Variants in TGIF1 observed in about 807,000 individuals in gnomAD.
TGIF1 encodes TGFB induced factor homeobox 1.
TGIF1 carries 4 observed loss-of-function variants against 19.3 expected under a neutral mutation model. The observed-to-expected ratio is 0.21, with a 90% CI of 0.10 to 0.47. The LOEUF is 0.47. Among genes scored for constraint, TGIF1 ranks in the 20% least tolerant of loss-of-function variants. TGIF1 has a pLI of 0.98. For synonymous variants in TGIF1, 122 were observed against 129.3 expected (o/e 0.94, Z 0.38); for missense variants, 275 against 341.4 (o/e 0.81, Z 1.53).
chr18:3,422,500 G>C (rs1015256263), intron 2 of TGIF1, among the ~76,000 whole-genome samples: 1 of 151,126 alleles, frequency 6.6e-6, no homozygotes, highest in Admixed American at 6.6e-5. Flanking sequence ...ATTGAAGAAA[G>C]AAATTTTAAA....
intron 2 of TGIF1, among the ~76,000 whole-genome samples, chr18:3,437,826 G>A (rs1433756279): frequency 6.6e-6 from 1 of 152,226 alleles, no homozygotes; most frequent in Non-Finnish European, 1.5e-5. Context: ...GCTCATGCCT[G>A]TAATCCCAGC....
intron 2 of TGIF1, among the ~76,000 whole-genome samples, chr18:3,429,334 C>G (rs2082516827): frequency 6.6e-6 from 1 of 152,050 alleles, no homozygotes; most frequent in African/African-American, 2.4e-5. Context: ...CAGGCATGAG[C>G]CACCATGCTC....
chr18:3,447,818 T>C (rs1479542807), upstream of TGIF1: 4 of 1,613,970 alleles, frequency 2.5e-6, 1 homozygote, highest in East Asian at 8.9e-5. Flanking sequence ...ATCTCCGTTT[T>C]TTCCTCCCCC....
At position 3,459,763 on chromosome 18, in the gene TGIF1, T is replaced by A. The variant is rs374533251; in HGVS notation, c.*1823T>A. The A allele has an allele frequency of 2.6e-5, 4 of 152,216 alleles. No homozygotes were observed. Among genetic ancestry groups the A allele is most frequent in the African/African-American group, 9.6e-5 (4 of 41,458 alleles). 9.4% of individuals were successfully genotyped at this position (152,216 alleles called of 1,614,324 possible). A position where few individuals can be genotyped will look rare whatever the true frequency, so the allele number is the denominator to read the frequency against. ...AAGAAAAACTGTAAGTCACCTTAAA[T>A]TCCCTATGTTTTACTTCATTTTTTC... On this transcript the variant is annotated 3_prime_UTR_variant, in exon 3 of 3. Coordinates refer to ENST00000343820, the MANE Select transcript of TGIF1 (RefSeq NM_003244.4).
In TGIF1 at chr18:3,459,533, A is replaced by G. The variant is rs1404807068; in HGVS notation, c.*1593A>G. ...CCCAAAAAGTACTAGTAAAGTAAATACAAGGAACAAAATAAACATTAATAA... is the reference window on the plus strand; with the variant it reads ...CCCAAAAAGTACTAGTAAAGTAAATGCAAGGAACAAAATAAACATTAATAA... On this transcript the variant is annotated 3_prime_UTR_variant, in exon 3 of 3. Transcript: ENST00000343820. 3 of 152,258 alleles carry G rather than the reference A, an allele frequency of 2.0e-5. No individual in the cohort carries two copies. Among genetic ancestry groups the G allele is most frequent in the South Asian group, 2.1e-4 (1 of 4,836 alleles). 9.4% of individuals were successfully genotyped at this position (152,258 alleles called of 1,614,324 possible).
chr18:3,435,943 C>T (rs1281927499), intron 2 of TGIF1, among the ~76,000 whole-genome samples: 1 of 146,968 alleles, frequency 6.8e-6, no homozygotes, highest in Non-Finnish European at 1.5e-5. Flanking sequence ...TCATAACAGT[C>T]TCGAACTCCT....
Position 3,457,407 on chromosome 18 carries a change from G to A in TGIF1, c.286G>A (p.Asp96Asn), listed in dbSNP as rs567178738. ...CAACGCCCGCCGCAGGCTCCTCCCT[G>A]ACATGCTGAGAAAGGATGGCAAAGA... Reference protein sequence around the residue: ...FINARRRLLPDMLRKDGKDPN... With the variant: ...FINARRRLLPNMLRKDGKDPN... Residue 96 changes from aspartate (D) to asparagine (N), a missense_variant, in exon 3 of 3, where the codon GAC (aspartate) becomes AAC (asparagine). Physicochemically the swap from Asp to Asn is conservative, Grantham distance 23 (BLOSUM62 1). Coordinates refer to ENST00000343820, the MANE Select transcript of TGIF1 (RefSeq NM_003244.4). The surrounding 1 kb of genome is among the most constrained non-coding windows in gnomAD (Gnocchi z 4.9). 39 of 1,614,078 alleles carry A rather than the reference G, an allele frequency of 2.4e-5. No individual in the cohort carries two copies. Among genetic ancestry groups the A allele is most frequent in the Non-Finnish European group, 3.3e-5 (39 of 1,180,042 alleles).
chr18:3,417,093 T>TG (rs1282736376), intron 1 of TGIF1, among the ~76,000 whole-genome samples: 1 of 152,122 alleles, frequency 6.6e-6, no homozygotes, highest in Non-Finnish European at 1.5e-5. Flanking sequence ...CTATTTATAG[T>TG]GGTTAAAATT....
In TGIF1 at chr18:3,457,462, G is replaced by C; in HGVS notation, c.341G>C (p.Gly114Ala). 1 of 1,614,216 alleles carries C rather than the reference G, an allele frequency of 6.2e-7. No homozygotes were observed. Among genetic ancestry groups the C allele is most frequent in the Non-Finnish European group, 8.5e-7 (1 of 1,180,026 alleles). ...AATCAGTTCACAATTTCCCGCCGTG[G>C]GGCCAAGATTTCTGAAACGAGCTCT... ...DPNQFTISRR[G>A]AKISETSSVE... The change falls in exon 3 of 3, where the codon GGG becomes GCG. Residue 114 changes from glycine (G) to alanine (A), a missense_variant. By Grantham distance (60) the Gly-to-Ala change is moderately conservative (BLOSUM62 0). Coordinates refer to ENST00000343820, the MANE Select transcript of TGIF1 (RefSeq NM_003244.4). The surrounding 1 kb of genome is among the most constrained non-coding windows in gnomAD (Gnocchi z 4.9).
intron 2 of TGIF1, among the ~76,000 whole-genome samples, chr18:3,427,062 G>A (rs2082480211): frequency 6.6e-6 from 1 of 151,820 alleles, no homozygotes; most frequent in Non-Finnish European, 1.5e-5. Flanking sequence ...TCCTGCCTCA[G>A]CCTCCCAAAT....
At chr18:3,429,575 A>T (rs962813059) in intron 2 of TGIF1, among the ~76,000 whole-genome samples, 1 of 152,230 alleles carries the variant, frequency 6.6e-6, no homozygotes, top group Non-Finnish European at 1.5e-5. Flanking sequence ...GAGTCAGAGA[A>T]GATAGTAAAT....
At chr18:3,417,340 A>G (rs917955096) in intron 1 of TGIF1, among the ~76,000 whole-genome samples, 1 of 151,556 alleles carries the variant, frequency 6.6e-6, no homozygotes, top group Non-Finnish European at 1.5e-5. Flanking sequence ...TTGTATTTTT[A>G]GTAGAGATGG....
chr18:3,451,783 G>C lies in TGIF1; in HGVS notation c.16+1278G>C, dbSNP rs566009596. On this transcript the variant is annotated intron_variant, in intron 1 of 2. Coordinates refer to ENST00000343820, the MANE Select transcript of TGIF1 (RefSeq NM_003244.4). The surrounding 1 kb of genome is among the most constrained non-coding windows in gnomAD (Gnocchi z 5.4). ...AACTGGCAGTCGTTGTTGGTAGAACGCCCTAAGGACCCCTCCCCGCGGGAC... is the reference window on the plus strand; with the variant it reads ...AACTGGCAGTCGTTGTTGGTAGAACCCCCTAAGGACCCCTCCCCGCGGGAC... 1.6e-6 allele frequency: 2 copies of C among 1,265,720 alleles called. No homozygotes were observed. The highest frequency in any genetic ancestry group is 6.1e-5 in the East Asian group (2 of 32,734). 78.4% of individuals were successfully genotyped at this position (1,265,720 alleles called of 1,614,324 possible). A position where few individuals can be genotyped will look rare whatever the true frequency, so the allele number is the denominator to read the frequency against.
intron 2 of TGIF1, among the ~76,000 whole-genome samples, chr18:3,439,757 A>T (rs1357194135): frequency 1.3e-5 from 2 of 152,020 alleles, no homozygotes; most frequent in Non-Finnish European, 2.9e-5. Flanking sequence ...GTGGCACCTC[A>T]TGCCTGTAAT....
At chr18:3,448,257 C>T, upstream of TGIF1, 2 of 985,330 alleles carry the variant, frequency 2.0e-6, no homozygotes, top group East Asian at 1.1e-4. Flanking sequence ...GCCCCCGGCT[C>T]CTCCTCCCTG....
Position 3,457,437 on chromosome 18 carries a change from A to T in TGIF1, c.316A>T (p.Asn106Tyr), listed in dbSNP as rs2049392173. The stretch of plus-strand genomic sequence containing the variant: ...GCTGAGAAAGGATGGCAAAGATCCA[A>T]ATCAGTTCACAATTTCCCGCCGTGG... ...DMLRKDGKDP[N>Y]QFTISRRGAK... The change falls in exon 3 of 3, where the codon AAT (asparagine) becomes TAT (tyrosine). Residue 106 changes from asparagine to tyrosine, a missense_variant. Transcript: ENST00000343820. The surrounding 1 kb of genome is among the most constrained non-coding windows in gnomAD (Gnocchi z 4.9). The T allele has an allele frequency of 3.7e-6, 6 of 1,614,204 alleles. No individual in the cohort carries two copies. The East Asian group carries it at 1.1e-4, about 30-fold the overall frequency.
chr18:3,414,165 C>T (rs570229734), intron 1 of TGIF1, among the ~76,000 whole-genome samples: 71 of 152,330 alleles, frequency 4.7e-4, no homozygotes, highest in African/African-American at 1.7e-3. Context: ...TTTTGTTCTA[C>T]ACTTTACTGA....
rs2083065768 is a variant in TGIF1, at chr18:3,453,673, C to T, written c.17-2681C>T. 7 of 455,150 alleles carry T rather than the reference C, an allele frequency of 1.5e-5. No homozygotes were observed. The Admixed American group carries it at 5.6e-4, about 36-fold the overall frequency. The allele number at this position is 455,150 out of a possible 1,614,324, so 28.2% of individuals were successfully genotyped here. A position where few individuals can be genotyped will look rare whatever the true frequency, so the allele number is the denominator to read the frequency against. ...TGCACTCCAGCCTGGGTGACAAGAGCGAAACTCTGTCTCAAAAAAAAAAAA... is the reference window on the plus strand; with the variant it reads ...TGCACTCCAGCCTGGGTGACAAGAGTGAAACTCTGTCTCAAAAAAAAAAAA... On this transcript the variant is annotated intron_variant, in intron 1 of 2. Transcript: ENST00000343820.
At chr18:3,452,631 G>C (rs1057306882) in intron 1 of TGIF1, among the ~76,000 whole-genome samples, 7 of 152,022 alleles carry the variant, frequency 4.6e-5, no homozygotes, top group Non-Finnish European at 7.4e-5. Context: ...GAACTCTCAA[G>C]AACAAAAGCT....
Sources: allele counts gnomAD v4.1 joint callset (sites outside exome capture counted in the v4.1 genomes callset), GRCh38; gene constraint gnomAD v4.1.1; non-coding constraint Gnocchi (gnomAD v3.1); transcripts MANE v1.5; gene names NCBI Gene and HGNC (gene_info 2026-07-23, HGNC 2026-07-21).